GMCL1: variants seen among roughly 807,000 people sequenced by gnomAD.
GMCL1 encodes germ cell-less 1, spermatogenesis associated.
A neutral mutation model predicts 75.5 loss-of-function variants in GMCL1; 54 were observed. The ratio of observed to expected loss-of-function variants is 0.71; its 90% CI spans 0.57 to 0.90. The LOEUF is 0.90. GMCL1 is among the 40% of genes least tolerant of loss of function. The pLI is 0.00. For missense variants in GMCL1, 537 were observed against 622.7 expected, an observed-to-expected ratio of 0.86 and a Z score of 1.47; for synonymous variants, 210 against 209.6, an observed-to-expected ratio of 1.00 and a Z score of -0.02.
chr2:69,836,551 C>G (rs541823349), intron 1 of GMCL1, among the ~76,000 whole-genome samples: 1 of 152,138 alleles, frequency 6.6e-6, no homozygotes, highest in Non-Finnish European at 1.5e-5. Context: ...TTATTGTCGG[C>G]TAGGAAGAGG....
chr2:69,862,764 A>G (rs1475555246), intron 10 of GMCL1, among the ~76,000 whole-genome samples: 1 of 152,182 alleles, frequency 6.6e-6, no homozygotes, highest in Non-Finnish European at 1.5e-5. Flanking sequence ...CATCCCAAAA[A>G]AAAAAAAGAT....
chr2:69,867,550 C>T (rs930693398), intron 11 of GMCL1, among the ~76,000 whole-genome samples: 2 of 152,162 alleles, frequency 1.3e-5, no homozygotes, highest in African/African-American at 4.8e-5. Flanking sequence ...TTCCCTATCA[C>T]CTTTCTGACC....
intron 11 of GMCL1, among the ~76,000 whole-genome samples, chr2:69,867,599 G>C (rs182462056): frequency 6.6e-6 from 1 of 152,112 alleles, no homozygotes; most frequent in East Asian, 1.9e-4. Flanking sequence ...TATATTTTAT[G>C]TTCCATCGTA....
At chr2:69,850,045 A>T (rs373129842) in intron 8 of GMCL1, among the ~76,000 whole-genome samples, 1 of 152,304 alleles carries the variant, frequency 6.6e-6, no homozygotes, top group East Asian at 1.9e-4. Context: ...TTTATCACTA[A>T]CAGATCTTGT....
chr2:69,873,021 G>A (rs1676026226), intron 13 of GMCL1, among the ~76,000 whole-genome samples: 1 of 152,218 alleles, frequency 6.6e-6, no homozygotes, highest in East Asian at 1.9e-4. Flanking sequence ...AGTGTAAGTA[G>A]CATGATAGAA....
chr2:69,849,862 T>C, intron 8 of GMCL1, 120 bp downstream of exon 8: 1 of 528,466 alleles, frequency 1.9e-6, no homozygotes. Flanking sequence ...GACTTGTTTA[T>C]AGACTTAATT....
rs936778366 is a variant in GMCL1 at position 69,868,499 on chromosome 2, A to T, written c.1219-1220A>T. On this transcript the variant is annotated intron_variant, in intron 11 of 13. Coordinates refer to ENST00000282570, the MANE Select transcript of GMCL1 (RefSeq NM_178439.5). ...AATAAACAAACTCGTGAACCCCATG[A>T]TGATATTTAAATAACCCAGTTGTGT... is the stretch of plus-strand genomic sequence containing the variant. Among the ~76,000 whole-genome samples, 4 of 152,254 alleles carry T rather than the reference A, an allele frequency of 2.6e-5. No individual in the cohort carries two copies. The South Asian group carries it at 8.3e-4, about 32-fold the overall frequency.
intron 10 of GMCL1, 66 bp from the exon 11 acceptor site, chr2:69,864,834 A>G (rs1285632336): frequency 1.9e-6 from 2 of 1,048,722 alleles, no homozygotes; most frequent in East Asian, 2.5e-5. Flanking sequence ...TTCTTAACTC[A>G]TAGTTCTTTT....
In GMCL1 at chr2:69,879,460, T is replaced by TTAGAAATGCCTTTTTCAGTTGGTG. The variant is rs1676217872; in HGVS notation, c.*459_*482dup. On this transcript the variant is annotated 3_prime_UTR_variant, in exon 14 of 14. Transcript: ENST00000282570. ...CTAAAAGAATAATTTGGTTGGCCAA[T>TTAGAAATGCCTTTTTCAGTTGGTG]TAGAAATGCCTTTTTCAGTTGGTGT... 2 of 153,228 alleles carry TTAGAAATGCCTTTTTCAGTTGGTG rather than the reference T, an allele frequency of 1.3e-5. No individual in the cohort carries two copies. The highest frequency in any genetic ancestry group is 4.8e-5 in the African/African-American group (2 of 41,596). 9.5% of individuals were successfully genotyped at this position (153,228 alleles called of 1,614,324 possible).
chr2:69,856,874 A>T (rs915858877), intron 9 of GMCL1, among the ~76,000 whole-genome samples: 1 of 151,880 alleles, frequency 6.6e-6, no homozygotes, highest in Non-Finnish European at 1.5e-5. Context: ...TTTACTGTCT[A>T]TTTCTCCCCC....
chr2:69,873,257 A>G (rs1157213635), intron 13 of GMCL1, among the ~76,000 whole-genome samples: 6 of 152,228 alleles, frequency 3.9e-5, no homozygotes, highest in Admixed American at 3.3e-4. Context: ...AGGAACTGAA[A>G]GATGGTTGGA....
At chr2:69,862,526 G>A (rs180906056) in intron 10 of GMCL1, among the ~76,000 whole-genome samples, 9 of 152,204 alleles carry the variant, frequency 5.9e-5, no homozygotes, top group East Asian at 5.8e-4. Flanking sequence ...TTGGGAGGCC[G>A]GGGTGGGTGG....
chr2:69,869,366 C>A (rs1573371956), intron 11 of GMCL1, among the ~76,000 whole-genome samples: 1 of 133,628 alleles, frequency 7.5e-6, no homozygotes, highest in Admixed American at 9.1e-5. Flanking sequence ...TGCAGTGAGC[C>A]AAGATCATGC....
At chr2:69,866,329 A>G (rs1029500253) in intron 11 of GMCL1, among the ~76,000 whole-genome samples, 6 of 151,992 alleles carry the variant, frequency 3.9e-5, no homozygotes, top group Admixed American at 3.9e-4. Context: ...ATTTTTAAAT[A>G]TTCCCCCCTA....
chr2:69,853,608 C>T (rs548796819), intron 8 of GMCL1, among the ~76,000 whole-genome samples: 1 of 152,220 alleles, frequency 6.6e-6, no homozygotes, highest in East Asian at 1.9e-4. Flanking sequence ...ACATACTCTC[C>T]TGGGTATATG....
chr2:69,840,467 C>T (rs1296609476), intron 3 of GMCL1, among the ~76,000 whole-genome samples: 1 of 151,640 alleles, frequency 6.6e-6, no homozygotes, highest in Non-Finnish European at 1.5e-5. Context: ...ATAACAGTGG[C>T]AGTGGAGGAA....
chr2:69,865,979 G>A lies in GMCL1; in HGVS notation c.1218+1004G>A, dbSNP rs117700792. 4.3e-4 allele frequency among the ~76,000 whole-genome samples: 66 copies of A among 152,194 alleles called. 2 individuals are homozygous for A. The East Asian group carries it at 9.1e-3, about 21-fold the overall frequency. ...AAAAAAACTGATTGTGGCTGGGCAC[G>A]GCGGCTCATGCCTGTAATTCCAGCA... On this transcript the variant is annotated intron_variant, in intron 11 of 13. Transcript: ENST00000282570.
At chr2:69,871,649 A>C in intron 12 of GMCL1, 96 bp from the exon 13 acceptor site, 1 of 649,206 alleles carries the variant, frequency 1.5e-6, no homozygotes. Context: ...TCAAATAAAA[A>C]ACAGAGGAAA....
At chr2:69,872,672 C>G (rs913266091) in intron 13 of GMCL1, among the ~76,000 whole-genome samples, 3 of 152,168 alleles carry the variant, frequency 2.0e-5, no homozygotes, top group Non-Finnish European at 4.4e-5. Context: ...TGTTGAAACT[C>G]TAACTGACCC....
Sources: allele counts gnomAD v4.1 joint callset (sites outside exome capture counted in the v4.1 genomes callset), GRCh38; gene constraint gnomAD v4.1.1; transcripts MANE v1.5; gene names NCBI Gene and HGNC (gene_info 2026-07-23, HGNC 2026-07-21).